LPP: variants seen among roughly 807,000 people sequenced by gnomAD.
LPP encodes LIM domain containing preferred translocation partner in lipoma.
A neutral mutation model predicts 60.4 loss-of-function variants in LPP; 38 were observed. That is an observed-to-expected ratio of 0.63 (90% CI 0.49 to 0.83). LPP has a LOEUF of 0.83. LPP is among the 40% of genes least tolerant of loss of function. The pLI, the probability that LPP is intolerant of heterozygous loss-of-function variation, is 0.00. For synonymous variants in LPP, 328 were observed against 290.8 expected, an observed-to-expected ratio of 1.13 and a Z score of -1.30; for missense variants, 902 against 783.6, an observed-to-expected ratio of 1.15 and a Z score of -1.80.
intron 8 of LPP, chr3:188,746,548 G>T: frequency 2.0e-6 from 1 of 488,242 alleles, no homozygotes; most frequent in Non-Finnish European, 4.1e-6. Flanking sequence ...CTTCAACTTT[G>T]CACTCTCCCT....
intron 7 of LPP, among the ~76,000 whole-genome samples, chr3:188,673,868 G>C (rs7631000): frequency 0.92 from 139,608 of 150,978 alleles, 65,414 homozygotes; most frequent in East Asian, 1. Flanking sequence ...CTTTCTTTCT[G>C]TCTCTGTAAT....
chr3:188,875,098 A>C lies in LPP; in HGVS notation c.*619A>C. 4.6e-6 allele frequency: 1 copy of C among 219,028 alleles called. No homozygotes were observed. Among genetic ancestry groups the C allele is most frequent in the Middle Eastern group, 1.4e-3 (1 of 696 alleles). The allele number at this position is 219,028 out of a possible 1,614,324, so 13.6% of individuals were successfully genotyped here. A position where few individuals can be genotyped will look rare whatever the true frequency, so the allele number is the denominator to read the frequency against. On this transcript the variant is annotated 3_prime_UTR_variant, in exon 12 of 12. Transcript: ENST00000617246. ...TAATTTGCAACCATCAGAATTCAGA[A>C]TCTATAGTGACCAGTGATCAAGGCT...
chr3:188,521,040 TGGCAGGACTTG>T (rs1818715263), intron 5 of LPP, among the ~76,000 whole-genome samples: 2 of 152,152 alleles, frequency 1.3e-5, no homozygotes, highest in Non-Finnish European at 2.9e-5. Flanking sequence ...TACAGATTCG[TGGCAGGACTTG>T]GGCAGGACAA....
At chr3:188,802,735 G>A (rs1450176611) in intron 9 of LPP, among the ~76,000 whole-genome samples, 1 of 151,990 alleles carries the variant, frequency 6.6e-6, no homozygotes, top group African/African-American at 2.4e-5. Context: ...AGTGAGCTGA[G>A]ATTGCACCAC....
At chr3:188,533,325 A>C (rs549884753) in intron 6 of LPP, among the ~76,000 whole-genome samples, 5 of 152,310 alleles carry the variant, frequency 3.3e-5, no homozygotes, top group Admixed American at 6.5e-5. Context: ...TGGGAGATGA[A>C]AACTACAACA....
At chr3:188,538,358 A>G (rs1203606691) in intron 6 of LPP, among the ~76,000 whole-genome samples, 3 of 152,240 alleles carry the variant, frequency 2.0e-5, no homozygotes, top group Non-Finnish European at 4.4e-5. Flanking sequence ...TAAGAAAAAG[A>G]CAGCCCAATT....
intron 2 of LPP, among the ~76,000 whole-genome samples, chr3:188,315,881 C>T (rs898812922): frequency 3.3e-5 from 5 of 152,140 alleles, no homozygotes; most frequent in Admixed American, 6.5e-5. Context: ...ATTAGACATG[C>T]TTCAAATTAC....
At chr3:188,381,775 C>T (rs572882227) in intron 3 of LPP, among the ~76,000 whole-genome samples, 2 of 152,192 alleles carry the variant, frequency 1.3e-5, no homozygotes, top group Admixed American at 6.5e-5. Context: ...GACTAGGAAA[C>T]TCTTTATTTA....
At chr3:188,546,812 A>T (rs1826778507) in intron 6 of LPP, among the ~76,000 whole-genome samples, 1 of 152,188 alleles carries the variant, frequency 6.6e-6, no homozygotes, top group Admixed American at 6.5e-5. Flanking sequence ...ATCCACAGTC[A>T]CTTGTGAGCT....
intron 6 of LPP, among the ~76,000 whole-genome samples, chr3:188,595,296 G>T (rs1426137870): frequency 6.6e-6 from 1 of 151,312 alleles, no homozygotes; most frequent in Non-Finnish European, 1.5e-5. Flanking sequence ...ATTTGTTGAT[G>T]TTTGCTCTTT....
intron 10 of LPP, among the ~76,000 whole-genome samples, chr3:188,869,537 C>T (rs572615899): frequency 2.0e-5 from 3 of 152,312 alleles, no homozygotes; most frequent in South Asian, 4.1e-4. Flanking sequence ...GTGATCCACC[C>T]GCCTAGGCCT....
intron 7 of LPP, among the ~76,000 whole-genome samples, chr3:188,624,672 C>T (rs1046283755): frequency 6.7e-6 from 1 of 150,312 alleles, no homozygotes; most frequent in African/African-American, 2.4e-5. Context: ...ATCCTTCCTT[C>T]CCCTCCCTCC....
intron 8 of LPP, among the ~76,000 whole-genome samples, chr3:188,716,674 A>C (rs1714135154): frequency 6.6e-6 from 1 of 152,210 alleles, no homozygotes; most frequent in Non-Finnish European, 1.5e-5. Flanking sequence ...GAGTCTGGCC[A>C]GTTCCCATTC....
At chr3:188,498,880 T>C (rs1811021768) in intron 5 of LPP, among the ~76,000 whole-genome samples, 1 of 152,186 alleles carries the variant, frequency 6.6e-6, no homozygotes, top group African/African-American at 2.4e-5. Context: ...TAGTTTTGAT[T>C]TGCATTTCTC....
At chr3:188,834,603 G>A (rs1045868324) in intron 9 of LPP, among the ~76,000 whole-genome samples, 8 of 151,964 alleles carry the variant, frequency 5.3e-5, no homozygotes, top group East Asian at 1.9e-4. Flanking sequence ...CTCAGTTTCC[G>A]CCACCAGGTG....
intron 4 of LPP, among the ~76,000 whole-genome samples, chr3:188,461,255 TA>T (rs1270740305): frequency 1.3e-5 from 2 of 152,156 alleles, no homozygotes; most frequent in African/African-American, 4.8e-5. Flanking sequence ...GTGGTTTAAC[TA>T]GGTGACCTTC....
At chr3:188,203,582 TATATATATTTAAATATATATAA>T (rs1254675175) in intron 1 of LPP, among the ~76,000 whole-genome samples, 132 of 107,660 alleles carry the variant, frequency 1.2e-3, no homozygotes, top group African/African-American at 4.4e-3. Context: ...TATTTAAATA[TATATATATTTAAATATATATAA>T]ATATATATTT....
At chr3:188,799,540 C>T (rs1380903793) in intron 9 of LPP, among the ~76,000 whole-genome samples, 1 of 152,182 alleles carries the variant, frequency 6.6e-6, no homozygotes, top group Non-Finnish European at 1.5e-5. Flanking sequence ...TTTAAGGAAG[C>T]TCTTTATCGT....
rs375688096 is a variant in LPP, at chr3:188,398,040, C to T, written c.-9-8072C>T. 1.8e-4 allele frequency among the ~76,000 whole-genome samples: 27 copies of T among 152,274 alleles called. No homozygotes were observed. The East Asian group carries it at 5.2e-3, about 29-fold the overall frequency. ...TTTTTCTTGTCACCTGCAGCATTGC[C>T]AAGAACAAGGAGTGCACCATTAGTG... On this transcript the variant is annotated intron_variant, in intron 3 of 11. Coordinates refer to ENST00000617246, the MANE Select transcript of LPP (RefSeq NM_001375462.1).
Sources: gnomAD v4.1 joint callset for allele counts (sites outside exome capture counted in the v4.1 genomes callset) on GRCh38, gnomAD v4.1.1 for gene constraint, MANE v1.5 for transcripts, NCBI Gene and HGNC (gene_info 2026-07-23, HGNC 2026-07-21) for gene names.